XPNPEP2: variants seen among roughly 807,000 people sequenced by gnomAD.
XPNPEP2 encodes X-prolyl aminopeptidase 2, also known as xaa-Pro aminopeptidase 2.
XPNPEP2 carries 64 observed loss-of-function variants against 59.8 expected under a neutral mutation model. The observed-to-expected ratio is 1.07, with a 90% CI of 0.87 to 1.32. XPNPEP2 has a LOEUF of 1.32. Among genes scored for constraint, XPNPEP2 ranks in the 40% most tolerant of loss-of-function variants. XPNPEP2 has a pLI of 0.00. For missense variants in XPNPEP2, 575 were observed against 546.8 expected (o/e 1.05, Z -0.51); for synonymous variants, 235 against 210.0 (o/e 1.12, Z -1.03).
Position 129,739,095 on chromosome X carries a change from C to G in XPNPEP2, c.-119C>G. On this transcript the variant is annotated 5_prime_UTR_variant, in exon 1 of 21. Transcript: ENST00000371106. ...GCAGCCAGACGCCTCCTTCTTGACG[C>G]CAGCCCCCACCCTCTGTCTGCTCGA... 1.3e-6 allele frequency: 1 copy of G among 752,052 alleles called. No homozygotes were observed. Among genetic ancestry groups the G allele is most frequent in the Non-Finnish European group, 1.9e-6 (1 of 514,975 alleles). 62.0% of individuals were successfully genotyped at this position (752,052 alleles called of 1,213,427 possible).
chrX:129,744,760 A>T (rs779781741), intron 3 of XPNPEP2, among the ~76,000 whole-genome samples: 1 of 112,506 alleles, frequency 8.9e-6, no homozygotes, highest in African/African-American at 3.2e-5. Flanking sequence ...GATTATGAGG[A>T]TCAAAATATG....
intron 19 of XPNPEP2, among the ~76,000 whole-genome samples, chrX:129,764,021 C>G (rs747422419): frequency 1.7e-4 from 19 of 109,873 alleles, no homozygotes; most frequent in Non-Finnish European, 3.0e-4. Flanking sequence ...AAACCTATAT[C>G]AATTCATTTA....
At chrX:129,762,197 T>G in intron 18 of XPNPEP2, 132 bp downstream of exon 18, 3 of 641,525 alleles carry the variant, frequency 4.7e-6, no homozygotes, top group Non-Finnish European at 7.4e-6. Context: ...CACCTCCCCA[T>G]TCCCACCGCT....
intron 2 of XPNPEP2, among the ~76,000 whole-genome samples, chrX:129,742,826 C>CAGGAAGCAGAGGTTGCAGTGAGCCA (rs1335904806): frequency 8.9e-6 from 1 of 112,133 alleles, no homozygotes; most frequent in Non-Finnish European, 1.9e-5. Flanking sequence ...TGCTTGAACC[C>CAGGAAGCAGAGGTTGCAGTGAGCCA]AGGAAGCAGA....
chrX:129,759,018 C>T (rs1225398437), intron 14 of XPNPEP2, among the ~76,000 whole-genome samples, 162 bp from the exon 15 acceptor site: 1 of 112,082 alleles, frequency 8.9e-6, no homozygotes, highest in Non-Finnish European at 1.9e-5. Context: ...GCCTTTCACA[C>T]ATAGGTGCTG....
At chrX:129,742,251 C>A (rs1222250012) in intron 2 of XPNPEP2, 70 bp downstream of exon 2, 4 of 605,626 alleles carry the variant, frequency 6.6e-6, no homozygotes, top group Non-Finnish European at 1.0e-5. Flanking sequence ...GCCCCACGCA[C>A]CCCTGCACCG....
chrX:129,741,689 C>A (rs932604922), intron 1 of XPNPEP2, among the ~76,000 whole-genome samples: 1 of 112,022 alleles, frequency 8.9e-6, no homozygotes, highest in Non-Finnish European at 1.9e-5. Flanking sequence ...ATGTATCATA[C>A]AATTAGATTT....
rs59591703 is a variant in XPNPEP2, at chrX:129,768,716, C to G, written c.*231C>G. 7.6e-3 allele frequency: 2,275 copies of G among 299,763 alleles called. 39 individuals carry two copies. The highest frequency in any genetic ancestry group is 0.055 in the African/African-American group (2,017 of 36,453). 24.7% of individuals were successfully genotyped at this position (299,763 alleles called of 1,213,427 possible). A position where few individuals can be genotyped will look rare whatever the true frequency, so the allele number is the denominator to read the frequency against. On this transcript the variant is annotated 3_prime_UTR_variant, in exon 21 of 21. Coordinates refer to ENST00000371106, the MANE Select transcript of XPNPEP2 (RefSeq NM_003399.6). ...GCACCCCGGGGTTGTATACCACACC[C>G]TGGGCCCCTAATCCCAGGCCCCGAG...
At chrX:129,765,152 C>T (rs1258936862) in intron 19 of XPNPEP2, among the ~76,000 whole-genome samples, 1 of 111,868 alleles carries the variant, frequency 8.9e-6, no homozygotes, top group Non-Finnish European at 1.9e-5. Flanking sequence ...TGCCCCGCTG[C>T]CCCTTACTTA....
intron 18 of XPNPEP2, 56 bp from the exon 19 acceptor site, chrX:129,762,638 G>A (rs1348275018): frequency 9.1e-7 from 1 of 1,103,705 alleles, no homozygotes; most frequent in Non-Finnish European, 1.3e-6. Flanking sequence ...GGTACAGGAA[G>A]CCTGGGCTTG....
chrX:129,744,895 T>C (rs1337322847), intron 3 of XPNPEP2, among the ~76,000 whole-genome samples: 1 of 111,842 alleles, frequency 8.9e-6, no homozygotes, highest in Non-Finnish European at 1.9e-5. Flanking sequence ...CTAGACTGCA[T>C]AGAATTTGCA....
chrX:129,766,850 G>T (rs1192875101), intron 19 of XPNPEP2, among the ~76,000 whole-genome samples: 1 of 111,600 alleles, frequency 9.0e-6, no homozygotes, highest in African/African-American at 3.3e-5. Context: ...GAAGGCGAAG[G>T]GGAAGCAAGG....
At chrX:129,755,424 G>A in intron 13 of XPNPEP2, 53 bp downstream of exon 13, 1 of 1,117,615 alleles carries the variant, frequency 8.9e-7, no homozygotes, top group Non-Finnish European at 1.2e-6. Flanking sequence ...CCTGTTGTGT[G>A]TGTAGAGGAA....
intron 14 of XPNPEP2, among the ~76,000 whole-genome samples, chrX:129,758,198 G>A (rs1474178157): frequency 8.9e-6 from 1 of 111,839 alleles, no homozygotes; most frequent in East Asian, 2.8e-4. Flanking sequence ...CAGCTCTAGG[G>A]GATCCAGAGT....
At chrX:129,765,256 C>G (rs1418943672) in intron 19 of XPNPEP2, among the ~76,000 whole-genome samples, 1 of 111,484 alleles carries the variant, frequency 9.0e-6, no homozygotes, top group Non-Finnish European at 1.9e-5. Context: ...TGTGGATGTC[C>G]CATGATTTAT....
intron 14 of XPNPEP2, among the ~76,000 whole-genome samples, chrX:129,757,037 C>T (rs766136427): frequency 7.8e-4 from 72 of 92,699 alleles, no homozygotes; most frequent in African/African-American, 2.5e-3. Context: ...CACACACACA[C>T]ATATATATAT....
chrX:129,746,571 C>T lies in XPNPEP2; in HGVS notation c.404-24C>T. On this transcript the variant is annotated intron_variant, in intron 5 of 20. Transcript: ENST00000371106. ...GGGCTGGCCCTGAAGGTGACCTCTG[C>T]ATTGCTTCCTATCTTTCTTTCAGTT... The T allele has an allele frequency of 3.3e-6, 4 of 1,199,787 alleles. No homozygotes were observed. The Middle Eastern group carries it at 7.6e-4, about 227-fold the overall frequency.
intron 13 of XPNPEP2, among the ~76,000 whole-genome samples, chrX:129,756,129 C>T (rs1028520020): frequency 1.8e-5 from 2 of 112,654 alleles, no homozygotes; most frequent in African/African-American, 6.4e-5. Context: ...GCCGCTTTAC[C>T]GCGCATCCTC....
At chrX:129,760,379 G>A (rs1213607190) in intron 15 of XPNPEP2, 133 bp from the exon 16 acceptor site, 5 of 647,193 alleles carry the variant, frequency 7.7e-6, no homozygotes, top group South Asian at 3.1e-5. Flanking sequence ...CACACATAAC[G>A]ATGAGACTCC....
Sources: allele counts gnomAD v4.1 joint callset (sites outside exome capture counted in the v4.1 genomes callset), GRCh38; gene constraint gnomAD v4.1.1; transcripts MANE v1.5; gene names NCBI Gene and HGNC (gene_info 2026-07-23, HGNC 2026-07-21).